ETV7: variants seen among roughly 807,000 people sequenced by gnomAD.
ETV7 encodes ETS variant transcription factor 7.
In ETV7, 43 loss-of-function variants were observed where a neutral mutation model predicts 39.1. The ratio of observed to expected loss-of-function variants is 1.10; its 90% CI spans 0.86 to 1.42. The LOEUF is 1.42. Among genes scored for constraint, ETV7 ranks in the 40% most tolerant of loss-of-function variants. The pLI is 0.00. For missense variants in ETV7, 432 were observed against 442.3 expected, an observed-to-expected ratio of 0.98 and a Z score of 0.21; for synonymous variants, 196 against 176.6, an observed-to-expected ratio of 1.11 and a Z score of -0.87.
chr6:36,371,445 G>T lies in ETV7; in HGVS notation c.549C>A (p.Thr183=), dbSNP rs1339689988. The T allele has an allele frequency of 6.2e-7, 1 of 1,600,828 alleles. No individual in the cohort carries two copies. The highest frequency in any genetic ancestry group is 1.3e-5 in the African/African-American group (1 of 74,932). The part of the protein sequence containing the change: ...HLDDPGLARW[T]PGKEESLNLC... Reference sequence around the variant, plus strand: ...AGTTGAGGGACTCCTCCTTGCCAGGGGTCCACCTTGCCAGGCCAGGGTCAT... The same window carrying T: ...AGTTGAGGGACTCCTCCTTGCCAGGTGTCCACCTTGCCAGGCCAGGGTCAT... Residue 183 remains threonine, a synonymous_variant, in exon 5 of 8, where the codon ACC becomes ACA. Transcript: ENST00000340181.
At chr6:36,363,241 C>T (rs996787666), downstream of ETV7, among the ~76,000 whole-genome samples, 3 of 152,220 alleles carry the variant, frequency 2.0e-5, no homozygotes, top group Non-Finnish European at 4.4e-5. Context: ...GGAGTTTGTT[C>T]TTTCTGATGT....
At chr6:36,376,778 GAAAAAAA>G (rs60435053) in intron 2 of ETV7, among the ~76,000 whole-genome samples, 1 of 91,966 alleles carries the variant, frequency 1.1e-5, no homozygotes, top group Admixed American at 1.2e-4. Flanking sequence ...TCCCTCTAAA[GAAAAAAA>G]AAAAAAAAAA....
At chr6:36,370,701 G>T (rs1772973160) in intron 5 of ETV7, among the ~76,000 whole-genome samples, 1 of 147,368 alleles carries the variant, frequency 6.8e-6, no homozygotes, top group Non-Finnish European at 1.5e-5. Context: ...AAAAAAAAAA[G>T]AATAAATGCA....
At chr6:36,386,581 C>T (rs188209461) in intron 1 of ETV7, among the ~76,000 whole-genome samples, 1 of 152,362 alleles carries the variant, frequency 6.6e-6, no homozygotes, top group Admixed American at 6.5e-5. Flanking sequence ...AAACCAGCTC[C>T]ATCAAGTCAT....
At chr6:36,360,806 G>A (rs1772468423) in intron 7 of ETV7, among the ~76,000 whole-genome samples, 1 of 152,150 alleles carries the variant, frequency 6.6e-6, no homozygotes. Context: ...TGTGCTTCCA[G>A]ACCTCAGCCC....
downstream of ETV7, among the ~76,000 whole-genome samples, chr6:36,362,545 G>GAT (rs1772529126): frequency 6.6e-6 from 1 of 152,178 alleles, no homozygotes; most frequent in Non-Finnish European, 1.5e-5. Context: ...ATGAAAAATG[G>GAT]ATATAAACTC....
intron 2 of ETV7, among the ~76,000 whole-genome samples, chr6:36,376,603 C>T (rs1252692267): frequency 3.3e-5 from 5 of 152,030 alleles, no homozygotes; most frequent in Admixed American, 2.6e-4. Flanking sequence ...CGGTGAAACC[C>T]CATCTCTACT....
chr6:36,356,123 G>C (rs190415505), intron 7 of ETV7, among the ~76,000 whole-genome samples: 1 of 152,252 alleles, frequency 6.6e-6, no homozygotes, highest in East Asian at 1.9e-4. Context: ...AAGAATTGAA[G>C]CAATTACAGC....
intron 5 of ETV7, 102 bp downstream of exon 5, chr6:36,371,228 C>T: frequency 8.7e-7 from 1 of 1,151,410 alleles, no homozygotes. Context: ...CAGCCACAGA[C>T]CTCCCATCAC....
downstream of ETV7, among the ~76,000 whole-genome samples, chr6:36,365,125 C>T (rs1772669742): frequency 6.6e-6 from 1 of 152,188 alleles, no homozygotes; most frequent in Non-Finnish European, 1.5e-5. Context: ...TAGTTTCCTC[C>T]TTCTGAGAAA....
At chr6:36,362,438 G>A (rs1406008509), downstream of ETV7, among the ~76,000 whole-genome samples, 1 of 152,106 alleles carries the variant, frequency 6.6e-6, no homozygotes, top group African/African-American at 2.4e-5. Context: ...ACTCCAGCCT[G>A]AGTGACAGCA....
At chr6:36,383,582 C>T (rs1384480494) in intron 2 of ETV7, among the ~76,000 whole-genome samples, 1 of 152,078 alleles carries the variant, frequency 6.6e-6, no homozygotes, top group African/African-American at 2.4e-5. Context: ...GAATAAACAT[C>T]AGAGAGATGG....
Position 36,371,384 on chromosome 6 carries a change from C to T in ETV7, c.610G>A (p.Gly204Arg). The change falls in exon 5 of 8, where the codon GGG (glycine) becomes AGG (arginine). Residue 204 changes from glycine (G) to arginine (R), a missense_variant. Gly to Arg is a moderately radical substitution (Grantham distance 125, BLOSUM62 -2). Coordinates refer to ENST00000340181, the MANE Select transcript of ETV7 (RefSeq NM_016135.4). The part of the protein sequence containing the change: ...HCAELGCRTQ[G>R]VCSFPAMPQA... ...GGCATCGCGGGGAAGGAACAGACCC[C>T]CTGGGTCCTGCAGCCGAGCTCTGCA... The T allele has an allele frequency of 6.2e-7, 1 of 1,601,454 alleles. No individual in the cohort carries two copies. Among genetic ancestry groups the T allele is most frequent in the Non-Finnish European group, 8.5e-7 (1 of 1,173,398 alleles).
rs1316739187 is a variant in ETV7, at chr6:36,387,552, G to C, written c.-11C>G. ...GGCTCTTACCTGCATTACAGGTGGA[G>C]GTGAGGAAGCCACCGGCTTTCTGTC... On this transcript the variant is annotated 5_prime_UTR_variant, in exon 1 of 8. Coordinates refer to ENST00000340181, the MANE Select transcript of ETV7 (RefSeq NM_016135.4). 6.2e-7 allele frequency: 1 copy of C among 1,614,090 alleles called. No homozygotes were observed. The highest frequency in any genetic ancestry group is 8.5e-7 in the Non-Finnish European group (1 of 1,180,026).
intron 2 of ETV7, among the ~76,000 whole-genome samples, chr6:36,380,435 C>T (rs956866837): frequency 1.3e-5 from 2 of 152,218 alleles, no homozygotes; most frequent in Non-Finnish European, 2.9e-5. Flanking sequence ...CCAGCTTGGC[C>T]AGCTCCCGAC....
At chr6:36,379,072 A>G in intron 2 of ETV7, among the ~76,000 whole-genome samples, 1 of 152,248 alleles carries the variant, frequency 6.6e-6, no homozygotes, top group Non-Finnish European at 1.5e-5. Context: ...GACTTAGTGT[A>G]AAATGTGGAG....
In ETV7 at chr6:36,385,098, C is replaced by T. The variant is rs74767486; in HGVS notation, c.142+436G>A. On this transcript the variant is annotated intron_variant, in intron 2 of 7. Transcript: ENST00000340181. ...CTGTGATCCCAGCACTTTGGGAAGC[C>T]GAGATGGGAGGATTACTTGAGCCCA... Among the ~76,000 whole-genome samples, 537 of 151,904 alleles carry T rather than the reference C, an allele frequency of 3.5e-3. 1 individual carries two copies. Among genetic ancestry groups the T allele is most frequent in the African/African-American group, 0.012 (487 of 41,422 alleles).
downstream of ETV7, among the ~76,000 whole-genome samples, chr6:36,365,221 A>C (rs1043979040): frequency 1.3e-5 from 2 of 152,182 alleles, no homozygotes; most frequent in Admixed American, 6.5e-5. Flanking sequence ...GACGGCTTGC[A>C]AGGGCAGAGG....
chr6:36,374,961 C>G (rs1773237659), intron 3 of ETV7, among the ~76,000 whole-genome samples: 1 of 151,504 alleles, frequency 6.6e-6, no homozygotes, highest in Non-Finnish European at 1.5e-5. Flanking sequence ...CCCAGCTACT[C>G]AGAATGCTGA....
Sources: gnomAD v4.1 joint callset for allele counts (sites outside exome capture counted in the v4.1 genomes callset) on GRCh38, gnomAD v4.1.1 for gene constraint, MANE v1.5 for transcripts, NCBI Gene and HGNC (gene_info 2026-07-23, HGNC 2026-07-21) for gene names.